Variants in NOP9 observed in about 807,000 individuals in gnomAD.
NOP9 encodes the protein NOP9 nucleolar protein, also known as nucleolar protein 9.
NOP9 carries 50 observed loss-of-function variants against 63.0 expected under a neutral mutation model. The ratio of observed to expected loss-of-function variants is 0.79; its 90% CI spans 0.63 to 1.00. NOP9 has a LOEUF of 1.00. Among genes scored for constraint, NOP9 ranks in the 50% least tolerant of loss-of-function variants. The pLI, the probability that NOP9 is intolerant of heterozygous loss-of-function variation, is 0.00. For synonymous variants in NOP9, 343 were observed against 332.8 expected (o/e 1.03, Z -0.33); for missense variants, 758 against 803.0 (o/e 0.94, Z 0.68).
At chr14:24,304,467 G>A in intron 8 of NOP9, 26 bp from the exon 9 acceptor site, 1 of 1,570,862 alleles carries the variant, frequency 6.4e-7, no homozygotes. Context: ...TTGCTAGGGA[G>A]ACCTACTTTG....
chr14:24,271,347 C>T, the NOP9 span: 3 of 454,780 alleles, frequency 6.6e-6, no homozygotes, highest in South Asian at 1.3e-4. Context: ...CCGTGTGGCC[C>T]TTCCTATAGC....
In NOP9 at chr14:24,307,483, C is replaced by T. The variant is rs141428372; in HGVS notation, c.*2388C>T. 56 of 1,614,004 alleles carry T rather than the reference C, an allele frequency of 3.5e-5. No individual in the cohort carries two copies. Among genetic ancestry groups the T allele is most frequent in the Non-Finnish European group, 4.5e-5 (53 of 1,179,962 alleles). ...TGGTGGAGCTGAGGTCCAGACCCTC[C>T]GTCCAAACTCCGAGCTTATATTAGA... On this transcript the variant is annotated 3_prime_UTR_variant, in exon 10 of 10. Transcript: ENST00000267425.
intron 2 of NOP9, 31 bp downstream of exon 2, chr14:24,300,888 G>A (rs1020892775): frequency 6.5e-7 from 1 of 1,545,206 alleles, no homozygotes; most frequent in Non-Finnish European, 8.8e-7. Context: ...GTGGACCTAG[G>A]GGGAAGAAGA....
the NOP9 span, among the ~76,000 whole-genome samples, chr14:24,275,173 A>G: frequency 6.6e-6 from 1 of 152,052 alleles, no homozygotes; most frequent in Non-Finnish European, 1.5e-5. Flanking sequence ...CGGCCTCCCA[A>G]AGTGCTGGGA....
At chr14:24,296,919 A>G (rs769201471), upstream of NOP9, 4 of 1,612,812 alleles carry the variant, frequency 2.5e-6, no homozygotes, top group Non-Finnish European at 3.4e-6. Context: ...ACATTCACAC[A>G]TGGGTGTGAG....
At chr14:24,296,166 T>C (rs534567155), upstream of NOP9, among the ~76,000 whole-genome samples, 3 of 152,262 alleles carry the variant, frequency 2.0e-5, no homozygotes, top group South Asian at 6.2e-4. Context: ...ATAAAACAAT[T>C]TCTCCCTCTA....
chr14:24,299,651 T>G, upstream of NOP9: 1 of 340,974 alleles, frequency 2.9e-6, no homozygotes, highest in Non-Finnish European at 5.4e-6. Flanking sequence ...CTCGCCCAGA[T>G]TGAGCCGGCG....
At chr14:24,290,555 T>C in the NOP9 span, 1 of 313,472 alleles carries the variant, frequency 3.2e-6, no homozygotes, top group Non-Finnish European at 6.0e-6. Context: ...TCTCCCAAAT[T>C]GTTAACATGT....
In NOP9 at chr14:24,306,654, C is replaced by A; in HGVS notation, c.*1559C>A. ...CTTTGACTTTCCGGCACTTTGATAC[C>A]TCCTAAAGGTTGCAGCTCTCCGTGT... On this transcript the variant is annotated 3_prime_UTR_variant, in exon 10 of 10. Transcript: ENST00000267425. 1 of 1,120,012 alleles carries A rather than the reference C, an allele frequency of 8.9e-7. No individual in the cohort carries two copies. 69.4% of individuals were successfully genotyped at this position (1,120,012 alleles called of 1,614,324 possible). A position where few individuals can be genotyped will look rare whatever the true frequency, so the allele number is the denominator to read the frequency against.
rs2041337939 is a variant in NOP9 at position 24,299,990 on chromosome 14, G to T, written c.36G>T (p.Gly12=). The part of the protein sequence containing the change: ...GQGPRSPHKV[G]RRFPAGGKRG... ...GTCCGCGCTCTCCACACAAGGTGGG[G>T]CGCCGGTTCCCAGCTGGTGGCAAAC... is the stretch of plus-strand genomic sequence containing the variant. The change falls in exon 1 of 10, where the codon GGG becomes GGT. Residue 12 remains glycine (G), a synonymous_variant. Transcript: ENST00000267425. The T allele has an allele frequency of 6.3e-7, 1 of 1,594,448 alleles. No homozygotes were observed. Among genetic ancestry groups the T allele is most frequent in the Non-Finnish European group, 8.5e-7 (1 of 1,170,082 alleles).
At chr14:24,286,102 C>T in the NOP9 span, among the ~76,000 whole-genome samples, 59,510 of 151,782 alleles carry the variant, frequency 0.39, 12,880 homozygotes, top group Middle Eastern at 0.58. Context: ...TCAGTTGGGG[C>T]GGGGCTGCAT....
At chr14:24,298,928 G>C, upstream of NOP9, 1 of 1,584,480 alleles carries the variant, frequency 6.3e-7, no homozygotes, top group South Asian at 1.1e-5. Context: ...GGTGGTTTCT[G>C]CAACTGTGGT....
chr14:24,305,589 G>T lies in NOP9; in HGVS notation c.*494G>T. On this transcript the variant is annotated 3_prime_UTR_variant, in exon 10 of 10. Coordinates refer to ENST00000267425, the MANE Select transcript of NOP9 (RefSeq NM_174913.3). Reference sequence around the variant, plus strand: ...ATTTGATGCTGTCATAGTCTTTGCAGTGGGTCGGTTGGAATGATTCTGGGG... The same window carrying T: ...ATTTGATGCTGTCATAGTCTTTGCATTGGGTCGGTTGGAATGATTCTGGGG... 1 of 1,587,094 alleles carries T rather than the reference G, an allele frequency of 6.3e-7. No individual in the cohort carries two copies. The highest frequency in any genetic ancestry group is 1.2e-5 in the South Asian group (1 of 86,566).
chr14:24,302,303 C>G lies in NOP9; in HGVS notation c.1022C>G (p.Pro341Arg). The G allele has an allele frequency of 1.2e-6, 2 of 1,614,160 alleles. No homozygotes were observed. Among genetic ancestry groups the G allele is most frequent in the Non-Finnish European group, 1.7e-6 (2 of 1,180,044 alleles). Residue 341 changes from proline to arginine, a missense_variant, in exon 5 of 10, where the codon CCC becomes CGC. Coordinates refer to ENST00000267425, the MANE Select transcript of NOP9 (RefSeq NM_174913.3). ...GAGCAGGTCCTGCTGGTGTTGGAGC[C>G]CCCAAGACTCCAGAGCCTCTTTGAG... ...LLEQVLLVLE[P>R]PRLQSLFEEH...
rs2041347829 is a variant in NOP9 at position 24,300,367 on chromosome 14, C to T, written c.248-41C>T. The T allele has an allele frequency of 3.8e-6, 6 of 1,584,314 alleles. No individual in the cohort carries two copies. In the East Asian group the frequency reaches 1.1e-4, roughly 30 times the overall value. ...AAGCGAGGGTACATAACTGTATTCTCTACTAAGTCTCTTCAAAGTGTGTCT... is the reference window on the plus strand; with the variant it reads ...AAGCGAGGGTACATAACTGTATTCTTTACTAAGTCTCTTCAAAGTGTGTCT... On this transcript the variant is annotated intron_variant, in intron 1 of 9. Transcript: ENST00000267425.
chr14:24,298,054 ATT>A (rs879290154), upstream of NOP9, among the ~76,000 whole-genome samples: 1 of 148,352 alleles, frequency 6.7e-6, no homozygotes, highest in African/African-American at 2.5e-5. Flanking sequence ...TTTAATTAAA[ATT>A]TTTTTTTTTA....
chr14:24,289,227 C>T, the NOP9 span, among the ~76,000 whole-genome samples: 1 of 152,180 alleles, frequency 6.6e-6, no homozygotes, highest in African/African-American at 2.4e-5. Context: ...CGTGATCCAC[C>T]TGCCTCGGCC....
upstream of NOP9, among the ~76,000 whole-genome samples, chr14:24,297,081 G>C (rs1460101649): frequency 3.9e-5 from 6 of 152,236 alleles, no homozygotes; most frequent in Non-Finnish European, 8.8e-5. Flanking sequence ...CCACCACAGA[G>C]CAAGGTGAAT....
At chr14:24,274,185 C>T in the NOP9 span, among the ~76,000 whole-genome samples, 5 of 152,212 alleles carry the variant, frequency 3.3e-5, no homozygotes, top group South Asian at 6.2e-4. Context: ...CACTCATAGG[C>T]GCAACCAGAT....
Sources: allele counts gnomAD v4.1 joint callset (sites outside exome capture counted in the v4.1 genomes callset), GRCh38; gene constraint gnomAD v4.1.1; transcripts MANE v1.5; gene names NCBI Gene and HGNC (gene_info 2026-07-23, HGNC 2026-07-21).